The following ANKFN1 variants were observed in gnomAD, a reference collection of about 807,000 sequenced individuals.
ANKFN1 encodes the protein ankyrin repeat and fibronectin type III domain containing 1, also known as ankyrin repeat and fibronectin type-III domain-containing protein 1.
A neutral mutation model predicts 108.7 loss-of-function variants in ANKFN1; 74 were observed. That is an observed-to-expected ratio of 0.68 (90% CI 0.56 to 0.83). The LOEUF is 0.83. Ranked by LOEUF, ANKFN1 falls within the 40% of genes least tolerant of loss-of-function variation. The probability of loss-of-function intolerance (pLI) is 0.00; values close to 1 mark genes in which losing one functional copy is unlikely to be tolerated. For synonymous variants in ANKFN1, 547 were observed against 516.2 expected (o/e 1.06, Z -0.81); for missense variants, 1,505 against 1,382.3 (o/e 1.09, Z -1.41).
At chr17:56,499,906 C>T (rs1014035237) in intron 20 of ANKFN1, among the ~76,000 whole-genome samples, 6 of 152,086 alleles carry the variant, frequency 3.9e-5, no homozygotes, top group Non-Finnish European at 2.9e-5. Context: ...TTTCTTGATT[C>T]TATAGTTTGC....
chr17:56,106,367 G>A (rs1051184466), intron 4 of ANKFN1, among the ~76,000 whole-genome samples: 1 of 152,186 alleles, frequency 6.6e-6, no homozygotes, highest in Non-Finnish European at 1.5e-5. Context: ...TGTGAAAGCA[G>A]CACATAAGCT....
chr17:56,283,668 C>G (rs1052730945), intron 3 of ANKFN1, among the ~76,000 whole-genome samples: 3 of 151,702 alleles, frequency 2.0e-5, no homozygotes, highest in Non-Finnish European at 2.9e-5. Flanking sequence ...TGTTCTCACT[C>G]ATAAGTGTGA....
At chr17:56,300,746 G>A (rs536415079) in intron 3 of ANKFN1, among the ~76,000 whole-genome samples, 7 of 152,224 alleles carry the variant, frequency 4.6e-5, no homozygotes, top group Non-Finnish European at 8.8e-5. Context: ...TCCACACTTA[G>A]GCAGATGTCA....
intron 8 of ANKFN1, among the ~76,000 whole-genome samples, chr17:56,428,462 CTTT>C (rs1183827202): frequency 3.8e-5 from 5 of 133,282 alleles, no homozygotes; most frequent in Admixed American, 7.5e-5. Context: ...AGCTTTTTTT[CTTT>C]TTTTTTTTTT....
intron 3 of ANKFN1, among the ~76,000 whole-genome samples, chr17:56,276,579 G>A (rs1368356098): frequency 6.6e-6 from 1 of 152,114 alleles, no homozygotes; most frequent in Non-Finnish European, 1.5e-5. Context: ...TTGTGGTTTT[G>A]ATTTGCATTT....
intron 10 of ANKFN1, among the ~76,000 whole-genome samples, chr17:56,447,676 G>T (rs1419613552): frequency 6.6e-6 from 1 of 152,160 alleles, no homozygotes; most frequent in Non-Finnish European, 1.5e-5. Flanking sequence ...AAGAAATGGT[G>T]TTTCCGTCAT....
At chr17:56,200,189 C>T (rs1229833580) in intron 1 of ANKFN1, among the ~76,000 whole-genome samples, 2 of 151,952 alleles carry the variant, frequency 1.3e-5, no homozygotes, top group Admixed American at 1.3e-4. Context: ...TACTAACTGC[C>T]AAAGAATCCA....
intron 6 of ANKFN1, 107 bp from the exon 7 acceptor site, chr17:56,372,539 A>ATTTT: frequency 1.3e-6 from 1 of 786,456 alleles, no homozygotes; most frequent in Non-Finnish European, 1.9e-6. Flanking sequence ...TTTCCCAGGC[A>ATTTT]TTTTTTTTTT....
chr17:56,265,568 G>A (rs1567872759), intron 3 of ANKFN1, among the ~76,000 whole-genome samples: 1 of 152,062 alleles, frequency 6.6e-6, no homozygotes, highest in Non-Finnish European at 1.5e-5. Context: ...TAGAGATTTC[G>A]GGAGCCTGAA....
chr17:56,136,676 T>C (rs1455237559), intron 4 of ANKFN1, among the ~76,000 whole-genome samples: 1 of 152,230 alleles, frequency 6.6e-6, no homozygotes, highest in Non-Finnish European at 1.5e-5. Context: ...ATGTCATTTA[T>C]ATACCAAACC....
chr17:56,446,034 T>C (rs2049275547), intron 10 of ANKFN1, among the ~76,000 whole-genome samples: 1 of 152,232 alleles, frequency 6.6e-6, no homozygotes, highest in African/African-American at 2.4e-5. Flanking sequence ...TTTTATGTAG[T>C]CGTCAGAACC....
intron 2 of ANKFN1, among the ~76,000 whole-genome samples, chr17:56,220,801 AGGG>A (rs1915793025): frequency 1.3e-5 from 1 of 74,744 alleles, no homozygotes; most frequent in Admixed American, 1.5e-4. Context: ...GGAGGAAGGG[AGGG>A]AGGGAGGAAG....
rs533325933 is a variant in ANKFN1 at position 56,372,750 on chromosome 17, C to G, written c.706C>G (p.Leu236Val). ...SAQVENEGFT[L>V]DNTEKEKQLK... ...CCAGGTGGAGAATGAAGGATTCACT[C>G]TGGACAACACAGAGAAAGAGAAGCA... The change falls in exon 7 of 21, where the codon CTG (leucine) becomes GTG (valine). Residue 236 changes from leucine (L) to valine (V), a missense_variant. By Grantham distance (32) the Leu-to-Val change is conservative. Coordinates refer to ENST00000682825, the MANE Select transcript of ANKFN1 (RefSeq NM_001370326.1). 1.2e-6 allele frequency: 2 copies of G among 1,614,008 alleles called. No homozygotes were observed.
intron 8 of ANKFN1, among the ~76,000 whole-genome samples, chr17:56,394,155 A>G (rs1348712913): frequency 6.6e-6 from 1 of 152,112 alleles, no homozygotes; most frequent in East Asian, 1.9e-4. Flanking sequence ...TTTGTCCAAC[A>G]CCCTTCTTTC....
Position 56,456,843 on chromosome 17 carries a change from T to A in ANKFN1, c.1208-18T>A. On this transcript the variant is annotated intron_variant, in intron 11 of 20. Coordinates refer to ENST00000682825, the MANE Select transcript of ANKFN1 (RefSeq NM_001370326.1). ...TGCCCAGTGGAATTTATACTGTATTTTTTAAAATACATTCCAGAAAGCACA... is the reference window on the plus strand; with the variant it reads ...TGCCCAGTGGAATTTATACTGTATTATTTAAAATACATTCCAGAAAGCACA... 6.2e-7 allele frequency: 1 copy of A among 1,608,682 alleles called. No homozygotes were observed. The highest frequency in any genetic ancestry group is 8.5e-7 in the Non-Finnish European group (1 of 1,175,224).
chr17:56,102,349 A>G (rs1905664152), intron 4 of ANKFN1, among the ~76,000 whole-genome samples: 1 of 152,220 alleles, frequency 6.6e-6, no homozygotes, highest in Non-Finnish European at 1.5e-5. Flanking sequence ...AGTCTATACT[A>G]GACTACATCA....
intron 8 of ANKFN1, among the ~76,000 whole-genome samples, chr17:56,378,519 A>G (rs761945481): frequency 6.6e-6 from 1 of 152,192 alleles, no homozygotes; most frequent in Non-Finnish European, 1.5e-5. Flanking sequence ...AAAGAATATA[A>G]TTATTTATAT....
intron 3 of ANKFN1, among the ~76,000 whole-genome samples, chr17:56,291,347 C>T (rs1443509030): frequency 1.4e-5 from 2 of 147,928 alleles, no homozygotes; most frequent in African/African-American, 5.3e-5. Context: ...TTAGAAGACA[C>T]TCTATGACTG....
Position 56,353,991 on chromosome 17 carries a change from C to A in ANKFN1, c.546C>A (p.Asn182Lys). The A allele has an allele frequency of 4.3e-6, 7 of 1,614,000 alleles. No individual in the cohort carries two copies. Among genetic ancestry groups the A allele is most frequent in the Non-Finnish European group, 5.9e-6 (7 of 1,179,968 alleles). ...CCCTGGATATTGCCATCATGACCAA[C>A]AATGTGCCCATTGCAAGGATTCTTC... is the stretch of plus-strand genomic sequence containing the variant. ...LTPLDIAIMT[N>K]NVPIARILLR... Residue 182 changes from asparagine to lysine, a missense_variant, in exon 6 of 21, where the codon AAC becomes AAA. By Grantham distance (94) the Asn-to-Lys change is moderately conservative (BLOSUM62 0). Transcript: ENST00000682825.
Sources: allele counts gnomAD v4.1 joint callset (sites outside exome capture counted in the v4.1 genomes callset), GRCh38; gene constraint gnomAD v4.1.1; transcripts MANE v1.5; gene names NCBI Gene and HGNC (gene_info 2026-07-23, HGNC 2026-07-21).